Variants in MYDGF observed in about 807,000 individuals in gnomAD.
The protein encoded by MYDGF is myeloid derived growth factor, also known as myeloid-derived growth factor.
A neutral mutation model predicts 24.2 loss-of-function variants in MYDGF; 29 were observed. The observed-to-expected ratio is 1.20, with a 90% CI of 0.89 to 1.63. The LOEUF (loss-of-function observed/expected upper bound fraction) is 1.63, where lower values mean the gene tolerates loss of function less well. Ranked by LOEUF, MYDGF falls within the 40% of genes most tolerant of loss-of-function variation. The probability of loss-of-function intolerance (pLI) is 0.00; values close to 1 mark genes in which losing one functional copy is unlikely to be tolerated. For missense variants in MYDGF, 245 were observed against 234.8 expected, an observed-to-expected ratio of 1.04 and a Z score of -0.29; for synonymous variants, 105 against 102.5, an observed-to-expected ratio of 1.02 and a Z score of -0.15.
chr19:4,666,397 T>C (rs2088521532), intron 2 of MYDGF, among the ~76,000 whole-genome samples: 1 of 151,792 alleles, frequency 6.6e-6, no homozygotes, highest in South Asian at 2.1e-4. Context: ...TGCCTCAGCC[T>C]CCTGAGTAGC....
rs550243654 is a variant in MYDGF at position 4,666,764 on chromosome 19, T to C, written c.226-1827A>G. ...TGCAACTGAAGCGCTTTACATAGGA[T>C]ACAGAAAAATCTCTAGGAGGCCGGG... On this transcript the variant is annotated intron_variant, in intron 2 of 5. Transcript: ENST00000262947. 5.3e-4 allele frequency among the ~76,000 whole-genome samples: 80 copies of C among 152,118 alleles called. No homozygotes were observed. The South Asian group carries it at 0.015, about 28-fold the overall frequency.
At chr19:4,666,448 G>A (rs1326202183) in intron 2 of MYDGF, among the ~76,000 whole-genome samples, 1 of 151,782 alleles carries the variant, frequency 6.6e-6, no homozygotes, top group Non-Finnish European at 1.5e-5. Flanking sequence ...GCTAACTTTT[G>A]TATTTTCAGT....
At chr19:4,663,664 C>A (rs2088496690) in intron 3 of MYDGF, among the ~76,000 whole-genome samples, 1 of 109,320 alleles carries the variant, frequency 9.1e-6, no homozygotes, top group Non-Finnish European at 1.9e-5. Flanking sequence ...ATTCTACAGC[C>A]TCCAGTATAC....
intron 1 of MYDGF, among the ~76,000 whole-genome samples, chr19:4,669,847 C>T (rs576229171): frequency 6.6e-6 from 1 of 152,300 alleles, no homozygotes; most frequent in Non-Finnish European, 1.5e-5. Flanking sequence ...ACTGACCCCT[C>T]CCCACCTCTG....
Position 4,657,757 on chromosome 19 carries a change from G to A in MYDGF, c.*248C>T, listed in dbSNP as rs369499301. The A allele has an allele frequency of 2.1e-5, 8 of 382,400 alleles. No individual in the cohort carries two copies. Among genetic ancestry groups the A allele is most frequent in the East Asian group, 8.2e-5 (2 of 24,412 alleles). 23.7% of individuals were successfully genotyped at this position (382,400 alleles called of 1,614,324 possible). On this transcript the variant is annotated 3_prime_UTR_variant, in exon 6 of 6. Transcript: ENST00000262947. ...TTGTGCCCCGGATCTGCGATCCTGA[G>A]TCCAGAAGAGCTCAGCAGGAAGTGG...
chr19:4,657,819 A>T lies in MYDGF; in HGVS notation c.*186T>A. The T allele has an allele frequency of 1.9e-6, 1 of 531,292 alleles. No homozygotes were observed. The highest frequency in any genetic ancestry group is 3.4e-6 in the Non-Finnish European group (1 of 297,278). The allele number at this position is 531,292 out of a possible 1,614,324, so 32.9% of individuals were successfully genotyped here. A position where few individuals can be genotyped will look rare whatever the true frequency, so the allele number is the denominator to read the frequency against. ...CTGTTGGGAGCCAGGAGGGCCCTGG[A>T]CCCTCTGTTCTCTGCCCCAGGGCTT... On this transcript the variant is annotated 3_prime_UTR_variant, in exon 6 of 6. Coordinates refer to ENST00000262947, the MANE Select transcript of MYDGF (RefSeq NM_019107.4).
At chr19:4,660,521 T>A (rs1190942265) in intron 4 of MYDGF, 148 bp downstream of exon 4, 1 of 690,708 alleles carries the variant, frequency 1.4e-6, no homozygotes, top group Admixed American at 2.9e-5. Flanking sequence ...GTGTGCCAGG[T>A]TCCTGCAAGT....
rs151144686 is a variant in MYDGF at position 4,670,228 on chromosome 19, G to C, written c.107C>G (p.Thr36Arg). The C allele has an allele frequency of 2.2e-5, 34 of 1,569,650 alleles. No individual in the cohort carries two copies. In the African/African-American group the frequency reaches 4.6e-4, roughly 21 times the overall value. The part of the protein sequence containing the change: ...LRPAEAVSEP[T>R]TVAFDVRPGG... ...GGGCCGCACGTCAAACGCCACCGTCGTGGGCTCGGACACCGCCTCCGCCGG... is the reference window on the plus strand; with the variant it reads ...GGGCCGCACGTCAAACGCCACCGTCCTGGGCTCGGACACCGCCTCCGCCGG... The change falls in exon 1 of 6, where the codon ACG becomes AGG. Residue 36 changes from threonine (T) to arginine (R), a missense_variant. Coordinates refer to ENST00000262947, the MANE Select transcript of MYDGF (RefSeq NM_019107.4).
At chr19:4,664,477 G>A (rs1304857675) in intron 3 of MYDGF, among the ~76,000 whole-genome samples, 1 of 145,484 alleles carries the variant, frequency 6.9e-6, no homozygotes, top group Non-Finnish European at 1.5e-5. Context: ...GCAAAAGATG[G>A]AGACTCCATC....
In MYDGF at chr19:4,668,021, G is replaced by A. The variant is rs2088534160; in HGVS notation, c.225+574C>T. Among the ~76,000 whole-genome samples the A allele has an allele frequency of 2.6e-5, 4 of 152,128 alleles. No individual in the cohort carries two copies. The South Asian group carries it at 8.3e-4, about 32-fold the overall frequency. ...TGGCTCACTGCAACCTCCGTCTCCT[G>A]GGTTCAAGTGATTCTCCTGCCTCAG... On this transcript the variant is annotated intron_variant, in intron 2 of 5. Transcript: ENST00000262947.
At position 4,660,858 on chromosome 19, in the gene MYDGF, G is replaced by A. The variant is rs1016493759; in HGVS notation, c.288-108C>T. Reference sequence around the variant, plus strand: ...ACTCGGGCTGGGGTCAGCAGGTCTCGTGCCTGCTTCTCAACATGGACGCCA... The same window carrying A: ...ACTCGGGCTGGGGTCAGCAGGTCTCATGCCTGCTTCTCAACATGGACGCCA... On this transcript the variant is annotated intron_variant, in intron 3 of 5. Transcript: ENST00000262947. 5.1e-6 allele frequency: 4 copies of A among 782,008 alleles called. No individual in the cohort carries two copies. The East Asian group carries it at 8.9e-5, about 17-fold the overall frequency. 48.4% of individuals were successfully genotyped at this position (782,008 alleles called of 1,614,324 possible).
chr19:4,662,155 G>A (rs946739741), intron 3 of MYDGF, among the ~76,000 whole-genome samples: 2 of 152,126 alleles, frequency 1.3e-5, no homozygotes, highest in African/African-American at 2.4e-5. Context: ...TTTGTAAAGC[G>A]CCCCGCAGGG....
At chr19:4,663,096 C>T (rs2088483356) in intron 3 of MYDGF, among the ~76,000 whole-genome samples, 1 of 150,518 alleles carries the variant, frequency 6.6e-6, no homozygotes, top group Non-Finnish European at 1.5e-5. Context: ...TCTACAGCCT[C>T]CGATCTACAT....
At chr19:4,665,820 CAAAAAAAAA>C (rs533879529) in intron 2 of MYDGF, among the ~76,000 whole-genome samples, 4 of 45,486 alleles carry the variant, frequency 8.8e-5, no homozygotes, top group East Asian at 6.1e-4. Flanking sequence ...GACTCTGTCT[CAAAAAAAAA>C]AAAAAAAAAA....
At chr19:4,666,787 G>A (rs1186497827) in intron 2 of MYDGF, among the ~76,000 whole-genome samples, 1 of 152,040 alleles carries the variant, frequency 6.6e-6, no homozygotes, top group Non-Finnish European at 1.5e-5. Context: ...CTAGGAGGCC[G>A]GGCACCGGTG....
Position 4,670,209 on chromosome 19 carries a change from C to T in MYDGF, c.126G>A (p.Val42=), listed in dbSNP as rs763378318. 5 of 1,561,688 alleles carry T rather than the reference C, an allele frequency of 3.2e-6. No individual in the cohort carries two copies. In the African/African-American group the frequency reaches 4.3e-5, roughly 13 times the overall value. ...VSEPTTVAFD[V]RPGGVVHSFS... is the part of the protein sequence containing the mutation. ...AGGAATGCACGACGCCGCCGGGCCGCACGTCAAACGCCACCGTCGTGGGCT... is the reference window on the plus strand; with the variant it reads ...AGGAATGCACGACGCCGCCGGGCCGTACGTCAAACGCCACCGTCGTGGGCT... The change falls in exon 1 of 6, where the codon GTG becomes GTA. Residue 42 remains valine, a synonymous_variant. Coordinates refer to ENST00000262947, the MANE Select transcript of MYDGF (RefSeq NM_019107.4).
intron 3 of MYDGF, among the ~76,000 whole-genome samples, chr19:4,664,512 C>T (rs1348386183): frequency 6.6e-6 from 1 of 150,576 alleles, no homozygotes; most frequent in Non-Finnish European, 1.5e-5. Flanking sequence ...AAAAAAATTG[C>T]CAAAAAGCCC....
chr19:4,668,411 A>G (rs761974520), intron 2 of MYDGF, among the ~76,000 whole-genome samples, 184 bp downstream of exon 2: 13 of 152,330 alleles, frequency 8.5e-5, no homozygotes, highest in Non-Finnish European at 1.8e-4. Flanking sequence ...CTGTAGAATA[A>G]TAACAGCAGA....
intron 3 of MYDGF, among the ~76,000 whole-genome samples, chr19:4,664,210 A>G (rs764141060): frequency 6.6e-6 from 1 of 152,094 alleles, no homozygotes; most frequent in African/African-American, 2.4e-5. Context: ...GTTTATTTTC[A>G]GGGGATGAAA....
Sources: gnomAD v4.1 joint callset for allele counts (sites outside exome capture counted in the v4.1 genomes callset) on GRCh38, gnomAD v4.1.1 for gene constraint, MANE v1.5 for transcripts, NCBI Gene and HGNC (gene_info 2026-07-23, HGNC 2026-07-21) for gene names.